The following TBC1D12 variants were observed in gnomAD, a reference collection of about 807,000 sequenced individuals.
TBC1D12 encodes the protein TBC1 domain family, member 12.
Under a neutral mutation model 86.7 loss-of-function variants are expected in TBC1D12, and 56 were observed. The ratio of observed to expected loss-of-function variants is 0.65; its 90% confidence interval spans 0.52 to 0.81. The LOEUF (loss-of-function observed/expected upper bound fraction) is 0.81, where lower values mean the gene tolerates loss of function less well. Among genes scored for constraint, TBC1D12 ranks in the 30% least tolerant of loss-of-function variants. The probability of loss-of-function intolerance (pLI) is 0.00; values close to 1 mark genes in which losing one functional copy is unlikely to be tolerated. For synonymous variants in TBC1D12, 421 were observed against 411.7 expected (o/e 1.02, Z -0.27); for missense variants, 1,023 against 1,038.8 (o/e 0.98, Z 0.21).
rs141387219 is a variant in TBC1D12, at chr10:94,535,342, C to T, written c.*2246C>T. 1 of 152,254 alleles carries T rather than the reference C, an allele frequency of 6.6e-6. No homozygotes were observed. The highest frequency in any genetic ancestry group is 1.9e-4 in the East Asian group (1 of 5,180). 9.4% of individuals were successfully genotyped at this position (152,254 alleles called of 1,614,324 possible). A position where few individuals can be genotyped will look rare whatever the true frequency, so the allele number is the denominator to read the frequency against. ...ATAACATGCTGTTTGGTTAGATTTACAGTGTGTTTTTATGTTGCAGTTTAG... is the reference window on the plus strand; with the variant it reads ...ATAACATGCTGTTTGGTTAGATTTATAGTGTGTTTTTATGTTGCAGTTTAG... On this transcript the variant is annotated 3_prime_UTR_variant, in exon 13 of 13. Coordinates refer to ENST00000225235, the MANE Select transcript of TBC1D12 (RefSeq NM_015188.2).
chr10:94,457,623 G>A (rs899615070), intron 2 of TBC1D12, among the ~76,000 whole-genome samples: 1 of 152,082 alleles, frequency 6.6e-6, no homozygotes, highest in Non-Finnish European at 1.5e-5. Flanking sequence ...GATATTTAAA[G>A]TGATTATTGA....
At chr10:94,520,563 AAAAT>A (rs1438007682) in intron 9 of TBC1D12, among the ~76,000 whole-genome samples, 4 of 151,572 alleles carry the variant, frequency 2.6e-5, no homozygotes, top group Admixed American at 1.3e-4. Context: ...AAAAAATAAA[AAAAT>A]AAAAGAAAAG....
chr10:94,430,035 C>T (rs1485659411), intron 1 of TBC1D12, among the ~76,000 whole-genome samples: 6 of 152,018 alleles, frequency 3.9e-5, no homozygotes, highest in Admixed American at 1.3e-4. Flanking sequence ...CGCACCCAGC[C>T]GAAAAGTATT....
Position 94,531,339 on chromosome 10 carries a change from A to G in TBC1D12, c.2138A>G (p.Gln713Arg). 6.2e-7 allele frequency: 1 copy of G among 1,614,188 alleles called. No homozygotes were observed. Among genetic ancestry groups the G allele is most frequent in the Non-Finnish European group, 8.5e-7 (1 of 1,180,030 alleles). Reference sequence around the variant, plus strand: ...CGATTATATGAAGATATTCTCCTGCAGATGGACTTTATTCATATAGCACAG... The same window carrying G: ...CGATTATATGAAGATATTCTCCTGCGGATGGACTTTATTCATATAGCACAG... ...ILRLYEDILL[Q>R]MDFIHIAQFL... Residue 713 changes from glutamine to arginine, a missense_variant, in exon 12 of 13, where the codon CAG becomes CGG. By Grantham distance (43) the Gln-to-Arg change is conservative (BLOSUM62 1). Transcript: ENST00000225235.
chr10:94,517,013 G>T (rs1029264019), intron 9 of TBC1D12, among the ~76,000 whole-genome samples: 1 of 151,904 alleles, frequency 6.6e-6, no homozygotes, highest in African/African-American at 2.4e-5. Context: ...CTCCCAAAGT[G>T]CTGGGTTTAT....
At chr10:94,451,508 T>C (rs1418222142) in intron 2 of TBC1D12, among the ~76,000 whole-genome samples, 1 of 152,136 alleles carries the variant, frequency 6.6e-6, no homozygotes, top group East Asian at 1.9e-4. Flanking sequence ...TTTTTAATTC[T>C]TGTGTTCCTA....
At position 94,511,743 on chromosome 10, in the gene TBC1D12, T is replaced by A. The variant is rs1440372361; in HGVS notation, c.1761+89T>A. 3.4e-6 allele frequency: 3 copies of A among 887,736 alleles called. No individual in the cohort carries two copies. In the Admixed American group the frequency reaches 6.5e-5, roughly 19 times the overall value. 55.0% of individuals were successfully genotyped at this position (887,736 alleles called of 1,614,324 possible). On this transcript the variant is annotated intron_variant, in intron 9 of 12. Transcript: ENST00000225235. ...ATCCTATGTTGTATTAGCTCCCAAA[T>A]GTCTGTATTTCTATGTCTGTTTTTC...
intron 3 of TBC1D12, among the ~76,000 whole-genome samples, chr10:94,488,837 G>A (rs1258867150): frequency 6.6e-6 from 1 of 152,022 alleles, no homozygotes; most frequent in Non-Finnish European, 1.5e-5. Flanking sequence ...CCACTGCCTG[G>A]TGCCCTATCC....
At chr10:94,465,775 CAT>C (rs2055805109) in intron 2 of TBC1D12, among the ~76,000 whole-genome samples, 1 of 54,560 alleles carries the variant, frequency 1.8e-5, no homozygotes, top group African/African-American at 5.2e-5. Flanking sequence ...TACGTATACG[CAT>C]ACATACATAC....
chr10:94,512,642 A>G (rs2056540316), intron 9 of TBC1D12, among the ~76,000 whole-genome samples: 1 of 152,248 alleles, frequency 6.6e-6, no homozygotes, highest in African/African-American at 2.4e-5. Flanking sequence ...ACAAATAAGT[A>G]AATCATGTTA....
intron 3 of TBC1D12, among the ~76,000 whole-genome samples, chr10:94,482,501 G>A (rs913658447): frequency 6.6e-6 from 1 of 151,606 alleles, no homozygotes; most frequent in Admixed American, 6.6e-5. Flanking sequence ...CCCAGGCTGG[G>A]GTATAATGAC....
intron 1 of TBC1D12, among the ~76,000 whole-genome samples, chr10:94,422,502 T>A (rs2055089222): frequency 1.3e-5 from 2 of 151,810 alleles, no homozygotes; most frequent in African/African-American, 4.8e-5. Context: ...TCATGTAGTT[T>A]TAAGGAACAG....
rs113220271 is a variant in TBC1D12, at chr10:94,403,482, C to T, written c.869C>T (p.Pro290Leu). The change falls in exon 1 of 13, where the codon CCC becomes CTC. Residue 290 changes from proline (P) to leucine (L), a missense_variant. Coordinates refer to ENST00000225235, the MANE Select transcript of TBC1D12 (RefSeq NM_015188.2). ...SRGQSARDHL[P>L]PAGPPVPLPA... ...GGTCAGAGCGCCCGCGATCACCTGC[C>T]CCCGGCGGGGCCGCCGGTGCCCTTG... The T allele has an allele frequency of 2.6e-6, 4 of 1,542,174 alleles. No homozygotes were observed. Among genetic ancestry groups the T allele is most frequent in the Non-Finnish European group, 3.5e-6 (4 of 1,144,984 alleles).
chr10:94,447,411 A>G (rs1448843964), intron 2 of TBC1D12, among the ~76,000 whole-genome samples: 11 of 152,202 alleles, frequency 7.2e-5, no homozygotes, highest in Admixed American at 7.2e-4. Flanking sequence ...TTCATAAGTG[A>G]AAGAATCTGT....
chr10:94,414,912 A>G (rs1012710850), intron 1 of TBC1D12, among the ~76,000 whole-genome samples: 1 of 152,176 alleles, frequency 6.6e-6, no homozygotes, highest in Non-Finnish European at 1.5e-5. Context: ...CAGGTTGTAC[A>G]TATAAAGTTT....
In TBC1D12 at chr10:94,500,220, G is replaced by A; in HGVS notation, c.1413-1G>A. The A allele has an allele frequency of 6.2e-7, 1 of 1,611,290 alleles. No individual in the cohort carries two copies. Among genetic ancestry groups the A allele is most frequent in the South Asian group, 1.1e-5 (1 of 90,320 alleles). On this transcript the variant is annotated splice_acceptor_variant, in intron 5 of 12. Coordinates refer to ENST00000225235, the MANE Select transcript of TBC1D12 (RefSeq NM_015188.2). LOFTEE classifies it high-confidence loss of function. ...CCTTTTTTCTCCTCCTTTAATTCTA[G>A]GCGTAGTACAAGAAGAGTTCGAGAA... is the stretch of plus-strand genomic sequence containing the variant.
intron 4 of TBC1D12, among the ~76,000 whole-genome samples, chr10:94,494,049 G>T (rs971103006): frequency 1.3e-4 from 20 of 151,850 alleles, no homozygotes; most frequent in African/African-American, 4.1e-4. Context: ...GTGAGAATAT[G>T]ATTTGAAACT....
chr10:94,408,266 T>C (rs1347847850), intron 1 of TBC1D12, among the ~76,000 whole-genome samples: 1 of 152,176 alleles, frequency 6.6e-6, no homozygotes, highest in Non-Finnish European at 1.5e-5. Flanking sequence ...GAGATTTTTT[T>C]CCCTTTATCT....
intron 1 of TBC1D12, among the ~76,000 whole-genome samples, 185 bp from the exon 2 acceptor site, chr10:94,441,711 A>G (rs2055384798): frequency 6.6e-6 from 1 of 152,178 alleles, no homozygotes; most frequent in Admixed American, 6.5e-5. Context: ...TGCATGCATT[A>G]GGTATTAAGC....
Sources: allele counts gnomAD v4.1 joint callset (sites outside exome capture counted in the v4.1 genomes callset), GRCh38; gene constraint gnomAD v4.1.1; transcripts MANE v1.5; gene names NCBI Gene and HGNC (gene_info 2026-07-23, HGNC 2026-07-21).